Variants in STIMATE observed in about 807,000 individuals in gnomAD.
STIMATE encodes the protein STIM activating enhancer, also known as store-operated calcium entry regulator STIMATE.
STIMATE carries 15 observed loss-of-function variants against 36.7 expected under a neutral mutation model. The observed-to-expected ratio is 0.41, with a 90% CI of 0.27 to 0.63. The LOEUF is 0.63. Among genes scored for constraint, STIMATE ranks in the 20% least tolerant of loss-of-function variants. The probability of loss-of-function intolerance (pLI) is 0.32; values close to 1 mark genes in which losing one functional copy is unlikely to be tolerated. For missense variants in STIMATE, 305 were observed against 397.3 expected (o/e 0.77, Z 1.98); for synonymous variants, 163 against 162.3 (o/e 1.00, Z -0.03).
rs532321814 is a variant in STIMATE at position 52,860,604 on chromosome 3, C to A, written c.161-5160G>T. Among the ~76,000 whole-genome samples, 10 of 152,218 alleles carry A rather than the reference C, an allele frequency of 6.6e-5. No individual in the cohort carries two copies. The South Asian group carries it at 2.1e-3, about 32-fold the overall frequency. On this transcript the variant is annotated intron_variant, in intron 1 of 7. Coordinates refer to ENST00000355083, the MANE Select transcript of STIMATE (RefSeq NM_198563.5). ...TCCAGCTGCTGTGCTGAGAGCAGCC[C>A]ACAGGGATGGTATGGCAGCAGGGAG... is the stretch of plus-strand genomic sequence containing the variant.
chr3:52,887,439 A>G (rs925478242), intron 1 of STIMATE, among the ~76,000 whole-genome samples: 8 of 152,236 alleles, frequency 5.3e-5, no homozygotes, highest in African/African-American at 1.4e-4. Flanking sequence ...TTTGCGGCAC[A>G]GGAAAAGCTG....
At chr3:52,840,902 C>T (rs1416115348) in intron 7 of STIMATE, among the ~76,000 whole-genome samples, 1 of 152,082 alleles carries the variant, frequency 6.6e-6, no homozygotes, top group Non-Finnish European at 1.5e-5. Flanking sequence ...CATGAGGTTT[C>T]ACCATGTTGG....
At position 52,842,918 on chromosome 3, in the gene STIMATE, C is replaced by T. The variant is rs1232762105; in HGVS notation, c.661G>A (p.Gly221Arg). The change falls in exon 7 of 8, where the codon GGG becomes AGG. Residue 221 changes from glycine (G) to arginine (R), a missense_variant. Gly to Arg is a moderately radical substitution (Grantham distance 125). This residue lies in a region of STIMATE where 164 missense variants were observed against 257.9 expected (regional missense o/e 0.64). Coordinates refer to ENST00000355083, the MANE Select transcript of STIMATE (RefSeq NM_198563.5). ...WVVDNFLMRK[G>R]KTKAKLEERG... ...TCTTCTAGCTTAGCTTTCGTCTTCC[C>T]CTTTCTCATGAGGAAATTGTCCACT... 1 of 1,614,220 alleles carries T rather than the reference C, an allele frequency of 6.2e-7. No homozygotes were observed. Among genetic ancestry groups the T allele is most frequent in the Admixed American group, 1.7e-5 (1 of 60,024 alleles).
chr3:52,861,303 T>G (rs571090905), intron 1 of STIMATE, among the ~76,000 whole-genome samples: 1 of 152,318 alleles, frequency 6.6e-6, no homozygotes, highest in East Asian at 1.9e-4. Flanking sequence ...TCAGCGGCAC[T>G]GCCTCTGCAC....
In STIMATE at chr3:52,838,724, C is replaced by T. The variant is rs948810546; in HGVS notation, c.*1770G>A. 1 of 152,276 alleles carries T rather than the reference C, an allele frequency of 6.6e-6. No individual in the cohort carries two copies. Among genetic ancestry groups the T allele is most frequent in the Non-Finnish European group, 1.5e-5 (1 of 68,066 alleles). 9.4% of individuals were successfully genotyped at this position (152,276 alleles called of 1,614,324 possible). A position where few individuals can be genotyped will look rare whatever the true frequency, so the allele number is the denominator to read the frequency against. On this transcript the variant is annotated 3_prime_UTR_variant, in exon 8 of 8. Transcript: ENST00000355083. ...GGGCTGAGAAGGCCTGCCTGATGCT[C>T]GCCTTCAAGTCCAGGACAGGTAGGG...
intron 4 of STIMATE, 30 bp from the exon 5 acceptor site, chr3:52,844,971 TG>T: frequency 6.2e-7 from 1 of 1,609,782 alleles, no homozygotes; most frequent in Non-Finnish European, 8.5e-7. Flanking sequence ...CTTAGTCACA[TG>T]GGGCCCAGGC....
At chr3:52,871,492 C>T (rs898928518) in intron 1 of STIMATE, among the ~76,000 whole-genome samples, 1 of 152,176 alleles carries the variant, frequency 6.6e-6, no homozygotes, top group African/African-American at 2.4e-5. Context: ...CCTGCCCCAC[C>T]ATCTAGCCTC....
At chr3:52,895,861 T>G in intron 1 of STIMATE, 2 of 1,283,290 alleles carry the variant, frequency 1.6e-6, no homozygotes, top group Non-Finnish European at 2.0e-6. Flanking sequence ...GTAGGAGGGG[T>G]ATGAAGATCC....
At chr3:52,870,303 C>G (rs532889162) in intron 1 of STIMATE, among the ~76,000 whole-genome samples, 6 of 152,098 alleles carry the variant, frequency 3.9e-5, no homozygotes, top group Admixed American at 3.3e-4. Context: ...AGTTTGGAAA[C>G]CAGGGAAAGA....
At chr3:52,866,214 C>T (rs1030353777) in intron 1 of STIMATE, among the ~76,000 whole-genome samples, 18 of 152,350 alleles carry the variant, frequency 1.2e-4, no homozygotes, top group Admixed American at 7.8e-4. Flanking sequence ...ACTAATAGCA[C>T]GAGTACCCAT....
intron 1 of STIMATE, among the ~76,000 whole-genome samples, chr3:52,892,576 C>T (rs1056233729): frequency 2.0e-5 from 3 of 152,200 alleles, no homozygotes; most frequent in Non-Finnish European, 2.9e-5. Context: ...CGCCTTCACT[C>T]GTGAGCTCCA....
In STIMATE at chr3:52,897,274, G is replaced by A. The variant is rs763625618; in HGVS notation, c.160+17C>T. ...GCCGCGCAGGGCCTCCGGAGGGTCG[G>A]GGGGTCCCAGACTCACGCATTAACG... On this transcript the variant is annotated intron_variant, in intron 1 of 7. Transcript: ENST00000355083. 5 of 1,539,248 alleles carry A rather than the reference G, an allele frequency of 3.2e-6. No homozygotes were observed. The highest frequency in any genetic ancestry group is 2.6e-6 in the Non-Finnish European group (3 of 1,149,126).
chr3:52,861,120 T>G (rs969822621), intron 1 of STIMATE, among the ~76,000 whole-genome samples: 4 of 152,052 alleles, frequency 2.6e-5, no homozygotes, highest in African/African-American at 9.7e-5. Flanking sequence ...CACATCCTCA[T>G]CCCCACACAC....
At chr3:52,880,771 T>C (rs969838899) in intron 1 of STIMATE, among the ~76,000 whole-genome samples, 1 of 152,210 alleles carries the variant, frequency 6.6e-6, no homozygotes, top group African/African-American at 2.4e-5. Flanking sequence ...GTTTCAATAT[T>C]AGCTTCTGTT....
intron 1 of STIMATE, among the ~76,000 whole-genome samples, chr3:52,883,774 T>C (rs1701648165): frequency 6.6e-6 from 1 of 152,244 alleles, no homozygotes; most frequent in African/African-American, 2.4e-5. Context: ...GAAGTTCCAT[T>C]TGCTTTGCTT....
chr3:52,870,993 C>G (rs1395537261), intron 1 of STIMATE, among the ~76,000 whole-genome samples: 1 of 151,930 alleles, frequency 6.6e-6, no homozygotes, highest in Non-Finnish European at 1.5e-5. Flanking sequence ...ACCTGAGTGC[C>G]GCAGGTCCTG....
intron 1 of STIMATE, among the ~76,000 whole-genome samples, chr3:52,879,488 G>A (rs1473491478): frequency 6.6e-6 from 1 of 152,196 alleles, no homozygotes; most frequent in Non-Finnish European, 1.5e-5. Context: ...GGAAGAACAG[G>A]AGGACCAGGA....
At position 52,837,658 on chromosome 3, in the gene STIMATE, G is replaced by C. The variant is rs1341730346; in HGVS notation, c.*2836C>G. 1 of 152,262 alleles carries C rather than the reference G, an allele frequency of 6.6e-6. No individual in the cohort carries two copies. Among genetic ancestry groups the C allele is most frequent in the African/African-American group, 2.4e-5 (1 of 41,458 alleles). The allele number at this position is 152,262 out of a possible 1,614,324, so 9.4% of individuals were successfully genotyped here. A position where few individuals can be genotyped will look rare whatever the true frequency, so the allele number is the denominator to read the frequency against. On this transcript the variant is annotated 3_prime_UTR_variant, in exon 8 of 8. Transcript: ENST00000355083. ...TATTTCCAATAGTTACAAGAAATTT[G>C]TTCATGACCTTGACTTGCAAGGTTC... is the stretch of plus-strand genomic sequence containing the variant.
chr3:52,865,735 T>C (rs1255865170), intron 1 of STIMATE, among the ~76,000 whole-genome samples: 1 of 152,094 alleles, frequency 6.6e-6, no homozygotes, highest in East Asian at 1.9e-4. Context: ...AGCCAAACCA[T>C]TATCAGTACA....
Sources: allele counts gnomAD v4.1 joint callset (sites outside exome capture counted in the v4.1 genomes callset), GRCh38; gene constraint gnomAD v4.1.1; regional missense constraint gnomAD v4.1.1; transcripts MANE v1.5; gene names NCBI Gene and HGNC (gene_info 2026-07-23, HGNC 2026-07-21).